Variants in GJB2 observed in about 807,000 individuals in gnomAD.
GJB2 encodes the protein gap junction protein beta 2.
In GJB2, 30 loss-of-function variants were observed where a neutral mutation model predicts 16.0. The ratio of observed to expected loss-of-function variants is 1.88; its 90% CI spans 1.41 to 2.55. The LOEUF (loss-of-function observed/expected upper bound fraction) is 2.55. Among genes scored for constraint, GJB2 ranks in the 30% most tolerant of loss-of-function variants. The pLI is 0.00. For synonymous variants in GJB2, 123 were observed against 119.1 expected (o/e 1.03, Z -0.21); for missense variants, 284 against 289.7 (o/e 0.98, Z 0.14).
At chr13:20,192,511 C>A (rs1218626452) in intron 1 of GJB2, among the ~76,000 whole-genome samples, 1 of 152,172 alleles carries the variant, frequency 6.6e-6, no homozygotes, top group East Asian at 1.9e-4. Context: ...GCGGCTCGCC[C>A]GCGCCTTTTT....
chr13:20,189,680 G>A lies in GJB2; in HGVS notation c.-22-77C>T, dbSNP rs1959065326. On this transcript the variant is annotated intron_variant, in intron 1 of 1. Coordinates refer to ENST00000382848, the MANE Select transcript of GJB2 (RefSeq NM_004004.6). The stretch of plus-strand genomic sequence containing the variant: ...GGGAGACTTCTCTGAGTCTGGGTAA[G>A]CAAGCATGCTTAAATCTCTTCCTGA... 2.7e-6 allele frequency: 3 copies of A among 1,118,030 alleles called. No homozygotes were observed. In the South Asian group the frequency reaches 3.8e-5, roughly 14 times the overall value. The allele number at this position is 1,118,030 out of a possible 1,614,324, so 69.3% of individuals were successfully genotyped here.
chr13:20,192,016 TGTTA>T (rs957745716), intron 1 of GJB2, among the ~76,000 whole-genome samples: 10 of 152,210 alleles, frequency 6.6e-5, no homozygotes, highest in African/African-American at 1.9e-4. Context: ...TCTCAGCAGC[TGTTA>T]GTTAGGTGAG....
At position 20,192,929 on chromosome 13, in the gene GJB2, G is replaced by C. The variant is rs1490936918; in HGVS notation, c.-169C>G. The C allele has an allele frequency of 2.6e-5, 4 of 152,834 alleles. No homozygotes were observed. In the South Asian group the frequency reaches 6.1e-4, roughly 23 times the overall value. The allele number at this position is 152,834 out of a possible 1,614,324, so 9.5% of individuals were successfully genotyped here. The stretch of plus-strand genomic sequence containing the variant: ...GGGAGAGGAGCGCGCGGGCGCTGCG[G>C]GGCCGCAACACCTGTCTCCCGCCGT... On this transcript the variant is annotated 5_prime_UTR_variant, in exon 1 of 2. Transcript: ENST00000382848.
In GJB2 at chr13:20,189,443, C is replaced by T. The variant is rs104894398; in HGVS notation, c.139G>A (p.Glu47Lys). The change falls in exon 2 of 2, where the codon GAG becomes AAG. Residue 47 changes from glutamate (E) to lysine (K), a missense_variant. Glu to Lys is a moderately conservative substitution (Grantham distance 56). Coordinates refer to ENST00000382848, the MANE Select transcript of GJB2 (RefSeq NM_004004.6). ...GTGTTGCAGACAAAGTCGGCCTGCT[C>T]ATCTCCCCACACCTCCTTTGCAGCC... is the stretch of plus-strand genomic sequence containing the variant. ...VVAAKEVWGDEQADFVCNTLQ... is the reference protein window; with the variant it reads ...VVAAKEVWGDKQADFVCNTLQ... 6.2e-7 allele frequency: 1 copy of T among 1,612,424 alleles called. No homozygotes were observed. The highest frequency in any genetic ancestry group is 8.5e-7 in the Non-Finnish European group (1 of 1,178,590).
chr13:20,189,914 T>C, intron 1 of GJB2: 1 of 387,496 alleles, frequency 2.6e-6, no homozygotes, highest in Non-Finnish European at 4.9e-6. Flanking sequence ...CATAAAGTCC[T>C]CGTTAGCTGA....
intron 1 of GJB2, among the ~76,000 whole-genome samples, chr13:20,192,491 C>T (rs929415147): frequency 1.3e-5 from 2 of 152,192 alleles, no homozygotes; most frequent in African/African-American, 4.8e-5. Context: ...ACACCACAAA[C>T]CTCGCGCTGG....
Position 20,189,607 on chromosome 13 carries a change from G to C in GJB2, c.-22-4C>G, listed in dbSNP as rs992587820. 6.2e-7 allele frequency: 1 copy of C among 1,602,870 alleles called. No individual in the cohort carries two copies. The highest frequency in any genetic ancestry group is 1.3e-5 in the African/African-American group (1 of 74,826). On this transcript the variant is annotated splice_region_variant and splice_polypyrimidine_tract_variant and intron_variant, in intron 1 of 1. Transcript: ENST00000382848. ...CTTCTACTCTGGGCGGTTTGCTCTG[G>C]AAAAGACGAATGCACACAACACAGG...
At position 20,189,088 on chromosome 13, in the gene GJB2, C is replaced by A; in HGVS notation, c.494G>T (p.Arg165Leu). 2 of 1,614,068 alleles carry A rather than the reference C, an allele frequency of 1.2e-6. No homozygotes were observed. The change falls in exon 2 of 2, where the codon CGG becomes CTG. Residue 165 changes from arginine to leucine, a missense_variant. Arg to Leu is a moderately radical substitution (Grantham distance 102, BLOSUM62 -2). Transcript: ENST00000382848. ...YVMYDGFSMQ[R>L]LVKCNAWPCP... ...AGGCCAGGCGTTGCACTTCACCAGC[C>A]GCTGCATGGAGAAGCCGTCGTACAT...
Position 20,189,254 on chromosome 13 carries a change from C to A in GJB2, c.328G>T (p.Glu110Ter), listed in dbSNP as rs754202141. 6.2e-7 allele frequency: 1 copy of A among 1,613,598 alleles called. No homozygotes were observed. The highest frequency in any genetic ancestry group is 1.3e-5 in the African/African-American group (1 of 75,064). Residue 110 changes from glutamate to a stop codon, truncating the protein, a stop_gained, in exon 2 of 2, where the codon GAG becomes TAG. Transcript: ENST00000382848. LOFTEE classifies it high-confidence loss of function. ...ATGTCCTTAAATTCACTCTTTATCT[C>A]CCCCTTGATGAACTTCCTCTTCTTC... ...HEKKRKFIKG[E>*]IKSEFKDIEE...
At position 20,188,781 on chromosome 13, in the gene GJB2, G is replaced by T. The variant is rs1236248304; in HGVS notation, c.*120C>A. The T allele has an allele frequency of 2.5e-6, 2 of 799,234 alleles. No homozygotes were observed. Among genetic ancestry groups the T allele is most frequent in the Non-Finnish European group, 4.3e-6 (2 of 466,880 alleles). The allele number at this position is 799,234 out of a possible 1,614,324, so 49.5% of individuals were successfully genotyped here. On this transcript the variant is annotated 3_prime_UTR_variant, in exon 2 of 2. Coordinates refer to ENST00000382848, the MANE Select transcript of GJB2 (RefSeq NM_004004.6). ...AGGCCTACAGGGGTTTCAAATGGTTGCATTTAAGGTCAGAATCTTTGTGTT... is the reference window on the plus strand; with the variant it reads ...AGGCCTACAGGGGTTTCAAATGGTTTCATTTAAGGTCAGAATCTTTGTGTT...
rs104894407 is a variant in GJB2 at position 20,189,450 on chromosome 13, C to T, written c.132G>A (p.Trp44Ter). 2.7e-5 allele frequency: 44 copies of T among 1,613,176 alleles called. No individual in the cohort carries two copies. The highest frequency in any genetic ancestry group is 2.0e-4 in the African/African-American group (15 of 75,040). Residue 44 changes from tryptophan to a stop codon, truncating the protein, a stop_gained, in exon 2 of 2, where the codon TGG (tryptophan) becomes TGA (stop). Coordinates refer to ENST00000382848, the MANE Select transcript of GJB2 (RefSeq NM_004004.6). LOFTEE classifies it high-confidence loss of function. ...MILVVAAKEV[W>*]GDEQADFVCN... ...AGACAAAGTCGGCCTGCTCATCTCCCCACACCTCCTTTGCAGCCACAACGA... is the reference window on the plus strand; with the variant it reads ...AGACAAAGTCGGCCTGCTCATCTCCTCACACCTCCTTTGCAGCCACAACGA...
In GJB2 at chr13:20,189,318, C is replaced by G. The variant is rs754237172; in HGVS notation, c.264G>C (p.Ala88=). The G allele has an allele frequency of 2.5e-6, 4 of 1,613,864 alleles. No individual in the cohort carries two copies. In the East Asian group the frequency reaches 8.9e-5, roughly 36 times the overall value. The part of the protein sequence containing the change: ...ALQLIFVSTP[A]LLVAMHVAYR... ...AGGCCACGTGCATGGCCACTAGGAG[C>G]GCTGGCGTGGACACGAAGATCAGCT... Residue 88 remains alanine, a synonymous_variant, in exon 2 of 2, where the codon GCG becomes GCC. Transcript: ENST00000382848.
At chr13:20,190,120 T>C (rs970157937) in intron 1 of GJB2, among the ~76,000 whole-genome samples, 1 of 152,220 alleles carries the variant, frequency 6.6e-6, no homozygotes, top group Non-Finnish European at 1.5e-5. Context: ...AGGAGAACCG[T>C]GAGGATAAGA....
rs759745271 is a variant in GJB2, at chr13:20,189,597, G to A, written c.-16C>T. On this transcript the variant is annotated 5_prime_UTR_variant, in exon 2 of 2. Transcript: ENST00000382848. ...CCCAATCCATCTTCTACTCTGGGCG[G>A]TTTGCTCTGGAAAAGACGAATGCAC... 1.2e-6 allele frequency: 2 copies of A among 1,612,966 alleles called. No homozygotes were observed. Among genetic ancestry groups the A allele is most frequent in the Admixed American group, 1.7e-5 (1 of 60,016 alleles).
At position 20,188,628 on chromosome 13, in the gene GJB2, C is replaced by A; in HGVS notation, c.*273G>T. The A allele has an allele frequency of 1.9e-6, 1 of 513,256 alleles. No individual in the cohort carries two copies. Among genetic ancestry groups the A allele is most frequent in the Non-Finnish European group, 3.5e-6 (1 of 286,854 alleles). The allele number at this position is 513,256 out of a possible 1,614,324, so 31.8% of individuals were successfully genotyped here. A position where few individuals can be genotyped will look rare whatever the true frequency, so the allele number is the denominator to read the frequency against. On this transcript the variant is annotated 3_prime_UTR_variant, in exon 2 of 2. Transcript: ENST00000382848. Reference sequence around the variant, plus strand: ...TATGAAAGTACCTTACACCAATAACCCCTAACAGCCTGGGGTCTCAGTGGA... The same window carrying A: ...TATGAAAGTACCTTACACCAATAACACCTAACAGCCTGGGGTCTCAGTGGA...
intron 1 of GJB2, among the ~76,000 whole-genome samples, chr13:20,190,699 C>T (rs1307103872): frequency 6.6e-6 from 1 of 152,202 alleles, no homozygotes; most frequent in Non-Finnish European, 1.5e-5. Context: ...TTCATAGTTA[C>T]ACCCTGCCTG....
rs1441005043 is a variant in GJB2, at chr13:20,188,183, A to G, written c.*718T>C. 1 of 152,306 alleles carries G rather than the reference A, an allele frequency of 6.6e-6. No homozygotes were observed. The highest frequency in any genetic ancestry group is 1.5e-5 in the Non-Finnish European group (1 of 68,078). The allele number at this position is 152,306 out of a possible 1,614,324, so 9.4% of individuals were successfully genotyped here. A position where few individuals can be genotyped will look rare whatever the true frequency, so the allele number is the denominator to read the frequency against. ...AATGTTGTTAGGTGCTATGACCACA[A>G]TGAATACAACAGACAGCCTCTCAGC... is the stretch of plus-strand genomic sequence containing the variant. On this transcript the variant is annotated 3_prime_UTR_variant, in exon 2 of 2. Coordinates refer to ENST00000382848, the MANE Select transcript of GJB2 (RefSeq NM_004004.6).
intron 1 of GJB2, among the ~76,000 whole-genome samples, chr13:20,192,417 G>T (rs1868373454): frequency 6.6e-6 from 1 of 152,206 alleles, no homozygotes; most frequent in Non-Finnish European, 1.5e-5. Flanking sequence ...AATTTAAAAC[G>T]TTTGGTGGCA....
rs1003116265 is a variant in GJB2 at position 20,189,103 on chromosome 13, C to T, written c.479G>A (p.Gly160Asp). 1.9e-6 allele frequency: 3 copies of T among 1,614,110 alleles called. No individual in the cohort carries two copies. Among genetic ancestry groups the T allele is most frequent in the Middle Eastern group, 1.6e-4 (1 of 6,062 alleles). ...CTTCACCAGCCGCTGCATGGAGAAG[C>T]CGTCGTACATGACATAGAAGACGTA... ...FMYVFYVMYD[G>D]FSMQRLVKCN... is the part of the protein sequence containing the mutation. Residue 160 changes from glycine to aspartate, a missense_variant, in exon 2 of 2, where the codon GGC (glycine) becomes GAC (aspartate). Transcript: ENST00000382848.
Sources: gnomAD v4.1 joint callset for allele counts (sites outside exome capture counted in the v4.1 genomes callset) on GRCh38, gnomAD v4.1.1 for gene constraint, MANE v1.5 for transcripts, NCBI Gene and HGNC (gene_info 2026-07-23, HGNC 2026-07-21) for gene names.